The following PDS5B variants were observed in gnomAD, a reference collection of about 807,000 sequenced individuals.
PDS5B encodes the protein sister chromatid cohesion protein PDS5 homolog B.
Under a neutral mutation model 184.1 loss-of-function variants are expected in PDS5B, and 51 were observed. The ratio of observed to expected loss-of-function variants is 0.28; its 90% CI spans 0.22 to 0.35. The LOEUF (loss-of-function observed/expected upper bound fraction) is 0.35, where lower values mean the gene tolerates loss of function less well. Ranked by LOEUF, PDS5B falls within the 10% of genes least tolerant of loss-of-function variation. The pLI is 1.00. For missense variants in PDS5B, 1,180 were observed against 1,723.3 expected, an observed-to-expected ratio of 0.68 and a Z score of 5.58; for synonymous variants, 566 against 569.2, an observed-to-expected ratio of 0.99 and a Z score of 0.08.
At chr13:32,733,574 T>C (rs1027775917) in intron 20 of PDS5B, among the ~76,000 whole-genome samples, 2 of 152,184 alleles carry the variant, frequency 1.3e-5, no homozygotes, top group African/African-American at 4.8e-5. Flanking sequence ...AAGCCTCACA[T>C]TGCCCTAATT....
Position 32,593,883 on chromosome 13 carries a change from G to A in PDS5B, c.-20+7290G>A, listed in dbSNP as rs142728473. 3.3e-3 allele frequency among the ~76,000 whole-genome samples: 504 copies of A among 151,938 alleles called. 2 individuals are homozygous for A. Among genetic ancestry groups the A allele is most frequent in the African/African-American group, 0.012 (479 of 41,410 alleles). On this transcript the variant is annotated intron_variant, in intron 1 of 34. Transcript: ENST00000315596. ...GGAAGAGGAGGCAGGAGAGGGAGGC[G>A]CACTGTAACTTTTACTGAAAAAAAT...
intron 6 of PDS5B, 40 bp from the exon 7 acceptor site, chr13:32,667,724 G>A: frequency 1.6e-6 from 2 of 1,253,456 alleles, no homozygotes; most frequent in Non-Finnish European, 2.2e-6. Flanking sequence ...GCTTTTCATA[G>A]TTAGAGATAT....
intron 14 of PDS5B, among the ~76,000 whole-genome samples, chr13:32,695,003 C>T (rs958171211): frequency 1.4e-4 from 22 of 151,868 alleles, no homozygotes; most frequent in African/African-American, 5.3e-4. Context: ...CTCCCTTCCA[C>T]ACATACACTT....
At chr13:32,645,479 T>C (rs1269216139) in intron 1 of PDS5B, among the ~76,000 whole-genome samples, 2 of 152,246 alleles carry the variant, frequency 1.3e-5, no homozygotes, top group Admixed American at 1.3e-4. Flanking sequence ...GATCTGTTAA[T>C]GATTGATTTT....
chr13:32,673,376 T>C lies in PDS5B; in HGVS notation c.846+20T>C, dbSNP rs1276274015. On this transcript the variant is annotated intron_variant, in intron 8 of 34. Coordinates refer to ENST00000315596, the MANE Select transcript of PDS5B (RefSeq NM_015032.4). ...TTAAAGGTAACTTGTAAAAATAATA[T>C]GATTCTACCAACCAAGTTATTAGCA... 4 of 1,591,468 alleles carry C rather than the reference T, an allele frequency of 2.5e-6. No individual in the cohort carries two copies. The highest frequency in any genetic ancestry group is 2.3e-5 in the South Asian group (2 of 88,242).
intron 29 of PDS5B, among the ~76,000 whole-genome samples, 180 bp from the exon 30 acceptor site, chr13:32,760,395 G>A (rs2141014520): frequency 6.6e-6 from 1 of 152,262 alleles, no homozygotes; most frequent in East Asian, 1.9e-4. Context: ...TATGCTGTCT[G>A]TATAGTTTTT....
At chr13:32,692,683 A>C (rs1861910145) in intron 13 of PDS5B, among the ~76,000 whole-genome samples, 1 of 151,986 alleles carries the variant, frequency 6.6e-6, no homozygotes, top group Non-Finnish European at 1.5e-5. Context: ...TTGCTTAGCA[A>C]CAGAACTGCA....
intron 23 of PDS5B, among the ~76,000 whole-genome samples, 186 bp downstream of exon 23, chr13:32,742,913 T>G (rs1593578909): frequency 6.6e-6 from 1 of 151,630 alleles, no homozygotes; most frequent in East Asian, 1.9e-4. Flanking sequence ...ACATGTCTGG[T>G]GCAGGGTACT....
intron 1 of PDS5B, among the ~76,000 whole-genome samples, chr13:32,644,659 T>C (rs930189412): frequency 6.6e-6 from 1 of 152,196 alleles, no homozygotes; most frequent in Non-Finnish European, 1.5e-5. Flanking sequence ...CAGTAAACAT[T>C]ATTTATGCTG....
chr13:32,765,641 T>C (rs1278013529), intron 31 of PDS5B, among the ~76,000 whole-genome samples: 1 of 152,250 alleles, frequency 6.6e-6, no homozygotes, highest in African/African-American at 2.4e-5. Flanking sequence ...TCTCACTTTG[T>C]CGCCCAGGCT....
chr13:32,736,868 G>A (rs7319930), intron 21 of PDS5B, among the ~76,000 whole-genome samples: 1 of 151,576 alleles, frequency 6.6e-6, no homozygotes. Context: ...GAGTTCACTC[G>A]CTTCAGTTTT....
intron 1 of PDS5B, among the ~76,000 whole-genome samples, chr13:32,607,442 CT>C (rs948160929): frequency 6.6e-6 from 1 of 152,200 alleles, no homozygotes; most frequent in Non-Finnish European, 1.5e-5. Flanking sequence ...AGAGGGGCAC[CT>C]GGCTGTATGA....
intron 30 of PDS5B, among the ~76,000 whole-genome samples, chr13:32,761,409 A>G (rs768007081): frequency 2.6e-5 from 4 of 152,184 alleles, no homozygotes; most frequent in South Asian, 4.2e-4. Flanking sequence ...TTACATGGGT[A>G]TATTGCATCC....
intron 21 of PDS5B, among the ~76,000 whole-genome samples, chr13:32,739,407 A>G (rs1271058207): frequency 2.0e-5 from 3 of 152,176 alleles, no homozygotes; most frequent in African/African-American, 7.2e-5. Context: ...TCTCTCACAC[A>G]ACTTATGTTA....
At chr13:32,687,635 A>G (rs369469502) in intron 12 of PDS5B, among the ~76,000 whole-genome samples, 2 of 152,194 alleles carry the variant, frequency 1.3e-5, no homozygotes, top group African/African-American at 2.4e-5. Flanking sequence ...AAGCTGTTGA[A>G]TTTTACACAT....
At chr13:32,699,910 ATCT>A in intron 16 of PDS5B, 41 bp downstream of exon 16, 1 of 1,498,300 alleles carries the variant, frequency 6.7e-7, no homozygotes, top group South Asian at 1.4e-5. Context: ...AAGCCCCCAA[ATCT>A]TCTTTATTGT....
At chr13:32,614,826 A>T (rs1271376003) in intron 1 of PDS5B, among the ~76,000 whole-genome samples, 4 of 152,214 alleles carry the variant, frequency 2.6e-5, no homozygotes, top group Non-Finnish European at 5.9e-5. Context: ...GTACCTACTC[A>T]TGTGACTGAT....
At chr13:32,726,363 A>C (rs1450134673) in intron 19 of PDS5B, among the ~76,000 whole-genome samples, 2 of 152,164 alleles carry the variant, frequency 1.3e-5, no homozygotes. Context: ...ATTTATGGAC[A>C]TTGGGTTGTT....
At chr13:32,655,375 T>TATATATATATATATATATATATATATGTA (rs1555296358) in intron 3 of PDS5B, among the ~76,000 whole-genome samples, 1 of 50,950 alleles carries the variant, frequency 2.0e-5, no homozygotes, top group Non-Finnish European at 3.1e-5. Flanking sequence ...TATATATATA[T>TATATATATATATATATATATATATATGTA]TTTTTTTTTT....
Sources: allele counts gnomAD v4.1 joint callset (sites outside exome capture counted in the v4.1 genomes callset), GRCh38; gene constraint gnomAD v4.1.1; transcripts MANE v1.5; gene names NCBI Gene and HGNC (gene_info 2026-07-23, HGNC 2026-07-21).